The following SNX29 variants were observed in gnomAD, a reference collection of about 807,000 sequenced individuals.
The protein encoded by SNX29 is sorting nexin 29.
In SNX29, 78 loss-of-function variants were observed where a neutral mutation model predicts 102.1. That is an observed-to-expected ratio of 0.76 (90% CI 0.64 to 0.92). The LOEUF (loss-of-function observed/expected upper bound fraction) is 0.92, where lower values mean the gene tolerates loss of function less well. Ranked by LOEUF, SNX29 falls within the 40% of genes least tolerant of loss-of-function variation. The pLI, the probability that SNX29 is intolerant of heterozygous loss-of-function variation, is 0.00. For synonymous variants in SNX29, 580 were observed against 414.5 expected (o/e 1.40, Z -4.85); for missense variants, 1,280 against 1,061.7 (o/e 1.21, Z -2.86).
intron 20 of SNX29, among the ~76,000 whole-genome samples, chr16:12,544,425 ATTTGGACG>A (rs1451937628): frequency 6.6e-6 from 1 of 152,050 alleles, no homozygotes; most frequent in Non-Finnish European, 1.5e-5. Context: ...AGCTGGTGGG[ATTTGGACG>A]TTTCTCTTTC....
intron 1 of SNX29, among the ~76,000 whole-genome samples, chr16:11,984,165 C>A (rs2055505063): frequency 6.6e-6 from 1 of 151,990 alleles, no homozygotes; most frequent in African/African-American, 2.4e-5. Context: ...CCAGCCTGGG[C>A]AACATAGTGG....
intron 18 of SNX29, among the ~76,000 whole-genome samples, chr16:12,443,958 G>A (rs377034021): frequency 2.0e-5 from 3 of 152,090 alleles, no homozygotes; most frequent in East Asian, 1.9e-4. Context: ...CATCTAGCAC[G>A]TAATAAGCAC....
intron 13 of SNX29, among the ~76,000 whole-genome samples, chr16:12,130,522 T>C (rs964836289): frequency 4.2e-5 from 6 of 142,960 alleles, no homozygotes; most frequent in African/African-American, 1.6e-4. Flanking sequence ...GCAAAAAAAG[T>C]GTGTATTTTA....
chr16:12,098,492 T>C lies in SNX29; in HGVS notation c.1402+19577T>C, dbSNP rs1334199642. On this transcript the variant is annotated intron_variant, in intron 11 of 20. Coordinates refer to ENST00000566228, the MANE Select transcript of SNX29 (RefSeq NM_032167.5). The surrounding 1 kb of genome is among the most constrained non-coding windows in gnomAD (Gnocchi z 6.0). ...GCGTGCCCTTTGATGGGACGTTACA[T>C]TGCATTTCAGCAGCACCCAGCTGCT... 1.3e-5 allele frequency among the ~76,000 whole-genome samples: 2 copies of C among 152,170 alleles called. No individual in the cohort carries two copies. Among genetic ancestry groups the C allele is most frequent in the African/African-American group, 4.8e-5 (2 of 41,432 alleles).
chr16:12,537,047 C>G (rs756335219), intron 20 of SNX29, among the ~76,000 whole-genome samples: 3 of 152,208 alleles, frequency 2.0e-5, no homozygotes, highest in Admixed American at 6.5e-5. Flanking sequence ...AGCACATTCA[C>G]TGAGCATATT....
At chr16:12,214,978 C>T (rs2077282902) in intron 14 of SNX29, among the ~76,000 whole-genome samples, 1 of 152,184 alleles carries the variant, frequency 6.6e-6, no homozygotes, top group African/African-American at 2.4e-5. Context: ...TACTGTTGTG[C>T]ACCTAGCTTC....
intron 11 of SNX29, among the ~76,000 whole-genome samples, chr16:12,109,960 C>T (rs1370773965): frequency 6.6e-6 from 1 of 152,122 alleles, no homozygotes; most frequent in Non-Finnish European, 1.5e-5. Flanking sequence ...TGAACTCCTG[C>T]CCTCGTGATC....
At chr16:12,378,963 G>C (rs1326107209) in intron 16 of SNX29, among the ~76,000 whole-genome samples, 1 of 152,232 alleles carries the variant, frequency 6.6e-6, no homozygotes, top group East Asian at 1.9e-4. Flanking sequence ...TCCTGAACCA[G>C]TTACTACGGC....
intron 3 of SNX29, among the ~76,000 whole-genome samples, chr16:12,017,433 T>A (rs910900549): frequency 5.3e-5 from 8 of 152,330 alleles, no homozygotes; most frequent in Non-Finnish European, 1.2e-4. Context: ...AAACAGAGTT[T>A]TTGTGAATAT....
At chr16:12,489,954 C>T (rs1257069089) in intron 19 of SNX29, among the ~76,000 whole-genome samples, 1 of 152,136 alleles carries the variant, frequency 6.6e-6, no homozygotes, top group Non-Finnish European at 1.5e-5. Context: ...TATAGGCATG[C>T]ACCACCATGC....
At chr16:12,239,349 G>A (rs996254735) in intron 14 of SNX29, among the ~76,000 whole-genome samples, 4 of 152,092 alleles carry the variant, frequency 2.6e-5, no homozygotes, top group African/African-American at 7.2e-5. Flanking sequence ...TTTGGCTGAT[G>A]AGCAGAGTTT....
chr16:12,551,953 C>T (rs1461152501), intron 20 of SNX29, among the ~76,000 whole-genome samples: 3 of 152,210 alleles, frequency 2.0e-5, no homozygotes, highest in Admixed American at 1.3e-4. Flanking sequence ...TGAGATTCCC[C>T]AGCCAGGCTG....
chr16:12,266,082 GTTTTTCT>G (rs1024229897), intron 14 of SNX29, among the ~76,000 whole-genome samples: 4 of 152,062 alleles, frequency 2.6e-5, no homozygotes, highest in Admixed American at 2.0e-4. Flanking sequence ...AACAAATTGT[GTTTTTCT>G]TTTTTCTTTT....
chr16:12,188,145 GTAA>G (rs2076557200), intron 13 of SNX29, among the ~76,000 whole-genome samples: 3 of 152,144 alleles, frequency 2.0e-5, no homozygotes, highest in African/African-American at 4.8e-5. Flanking sequence ...CAATTTATGA[GTAA>G]TAATGATGAT....
chr16:12,461,108 A>T (rs1425311824), intron 18 of SNX29, among the ~76,000 whole-genome samples: 1 of 152,216 alleles, frequency 6.6e-6, no homozygotes, highest in Non-Finnish European at 1.5e-5. Context: ...ATGTGTGGAG[A>T]GCTTTAGCAA....
chr16:12,010,103 G>C (rs1467417119), intron 3 of SNX29, among the ~76,000 whole-genome samples: 3 of 152,188 alleles, frequency 2.0e-5, no homozygotes, highest in Admixed American at 1.3e-4. Context: ...TAGTATAATG[G>C]TATTCACTTC....
intron 13 of SNX29, among the ~76,000 whole-genome samples, chr16:12,174,503 T>C (rs564080870): frequency 1.3e-5 from 2 of 152,058 alleles, no homozygotes; most frequent in East Asian, 1.9e-4. Context: ...AGATGGGAGG[T>C]AGGGAGATTT....
intron 20 of SNX29, among the ~76,000 whole-genome samples, chr16:12,539,864 G>A (rs918070209): frequency 3.9e-5 from 6 of 152,186 alleles, no homozygotes; most frequent in African/African-American, 1.2e-4. Flanking sequence ...CAAGTATTTT[G>A]CCTGTTCTTA....
intron 15 of SNX29, among the ~76,000 whole-genome samples, chr16:12,355,843 T>TAAAAAAAAAAAAAAAAAAA (rs56358290): frequency 1.2e-5 from 1 of 85,582 alleles, no homozygotes; most frequent in East Asian, 4.9e-4. Context: ...GAGATCTTAT[T>TAAAAAAAAAAAAAAAAAAA]AAAAAAAAAA....
Sources: gnomAD v4.1 joint callset for allele counts (sites outside exome capture counted in the v4.1 genomes callset) on GRCh38, gnomAD v4.1.1 for gene constraint, Gnocchi (gnomAD v3.1) non-coding constraint, MANE v1.5 for transcripts, NCBI Gene and HGNC (gene_info 2026-07-23, HGNC 2026-07-21) for gene names.